Variants in CMIP observed in about 807,000 individuals in gnomAD.
CMIP encodes C-Maf-inducing protein.
CMIP carries 13 observed loss-of-function variants against 97.3 expected under a neutral mutation model. The ratio of observed to expected loss-of-function variants is 0.13; its 90% CI spans 0.09 to 0.21. CMIP has a LOEUF of 0.21. Ranked by LOEUF, CMIP falls within the 10% of genes least tolerant of loss-of-function variation. The pLI is 1.00. For missense variants in CMIP, 847 were observed against 1,024.9 expected, an observed-to-expected ratio of 0.83 and a Z score of 2.37; for synonymous variants, 538 against 436.3, an observed-to-expected ratio of 1.23 and a Z score of -2.91.
chr16:81,670,370 C>A, intron 8 of CMIP, 125 bp downstream of exon 8: 1 of 1,007,292 alleles, frequency 9.9e-7, no homozygotes, highest in Non-Finnish European at 1.5e-6. Flanking sequence ...GAGGAAGCCC[C>A]TAGCCTACTG....
chr16:81,484,193 C>T (rs2089277379), intron 1 of CMIP, among the ~76,000 whole-genome samples: 1 of 152,120 alleles, frequency 6.6e-6, no homozygotes, highest in Non-Finnish European at 1.5e-5. Flanking sequence ...TGGAAGTCGC[C>T]CTTCCCTGGC....
chr16:81,485,912 C>G (rs1452657788), intron 1 of CMIP, among the ~76,000 whole-genome samples: 1 of 152,228 alleles, frequency 6.6e-6, no homozygotes, highest in Non-Finnish European at 1.5e-5. Flanking sequence ...GTACCCAGCT[C>G]TCCCCTGGAT....
At chr16:81,501,569 G>A (rs1443534474) in intron 1 of CMIP, among the ~76,000 whole-genome samples, 2 of 151,902 alleles carry the variant, frequency 1.3e-5, no homozygotes, top group African/African-American at 4.8e-5. Flanking sequence ...CTCAGGATGG[G>A]TGTGGCATGG....
chr16:81,542,624 G>A (rs2090469086), intron 1 of CMIP, among the ~76,000 whole-genome samples: 1 of 152,182 alleles, frequency 6.6e-6, no homozygotes, highest in Non-Finnish European at 1.5e-5. Context: ...CAGAGTTCCA[G>A]GTCAAGGTGC....
chr16:81,674,175 G>A (rs1169922697), intron 9 of CMIP, among the ~76,000 whole-genome samples: 1 of 152,136 alleles, frequency 6.6e-6, no homozygotes, highest in East Asian at 1.9e-4. Flanking sequence ...GGAAGTGCAG[G>A]GACTCCAGGG....
intron 2 of CMIP, chr16:81,619,580 T>C (rs977630755): frequency 2.6e-5 from 4 of 152,170 alleles, no homozygotes; most frequent in African/African-American, 9.7e-5. Flanking sequence ...AGGGTCACTT[T>C]GGAGAGAGGG....
chr16:81,453,219 C>G lies in CMIP; in HGVS notation c.300+7678C>G, dbSNP rs1366159657. Among the ~76,000 whole-genome samples the G allele has an allele frequency of 6.6e-6, 1 of 152,226 alleles. No individual in the cohort carries two copies. The highest frequency in any genetic ancestry group is 1.9e-4 in the East Asian group (1 of 5,198). On this transcript the variant is annotated intron_variant, in intron 1 of 20. Coordinates refer to ENST00000537098, the MANE Select transcript of CMIP (RefSeq NM_198390.3). The surrounding 1 kb of genome is among the most constrained non-coding windows in gnomAD (Gnocchi z 4.0). ...TCGTGGCTCTACTGCTTTCAAGCTA[C>G]TGTCAGAAATGGTAGGGTGGACGGA...
chr16:81,684,909 C>T (rs1344566260), intron 10 of CMIP, among the ~76,000 whole-genome samples: 1 of 152,238 alleles, frequency 6.6e-6, no homozygotes, highest in Non-Finnish European at 1.5e-5. Context: ...AAATGGGAGA[C>T]TGCCCCAGTG....
intron 17 of CMIP, 119 bp downstream of exon 17, chr16:81,702,788 G>T: frequency 1.1e-6 from 1 of 869,956 alleles, no homozygotes; most frequent in Non-Finnish European, 1.9e-6. Flanking sequence ...GGGGCACAAG[G>T]ACCCCCTAGT....
intron 1 of CMIP, among the ~76,000 whole-genome samples, chr16:81,522,794 C>G (rs1353122503): frequency 6.6e-6 from 1 of 152,038 alleles, no homozygotes; most frequent in African/African-American, 2.4e-5. Context: ...AATTACTTGA[C>G]ATTCACCTCT....
chr16:81,681,513 A>T (rs1003239999), intron 10 of CMIP, among the ~76,000 whole-genome samples: 2 of 152,126 alleles, frequency 1.3e-5, no homozygotes, highest in Admixed American at 1.3e-4. Context: ...TGGCAAAGAG[A>T]TGGGAGGGGC....
Position 81,445,083 on chromosome 16 carries a change from C to T in CMIP, c.-159C>T, listed in dbSNP as rs1905742006. The stretch of plus-strand genomic sequence containing the variant: ...AGCCCGCCGCACGCGCCGCCCCCCG[C>T]GGGCAGCGCCCCCTCCCCTGCGGGC... On this transcript the variant is annotated 5_prime_UTR_variant, in exon 1 of 21. Coordinates refer to ENST00000537098, the MANE Select transcript of CMIP (RefSeq NM_198390.3). The T allele has an allele frequency of 1.5e-5, 4 of 273,712 alleles. No individual in the cohort carries two copies. The South Asian group carries it at 5.0e-4, about 34-fold the overall frequency. The allele number at this position is 273,712 out of a possible 1,614,324, so 17.0% of individuals were successfully genotyped here.
chr16:81,616,544 G>A lies in CMIP; in HGVS notation c.427-4332G>A, dbSNP rs372984616. Among the ~76,000 whole-genome samples the A allele has an allele frequency of 5.3e-5, 8 of 152,114 alleles. No homozygotes were observed. In the East Asian group the frequency reaches 5.8e-4, roughly 11 times the overall value. ...TGACATGCGTCATCGCACTTAGTTC[G>A]CCAGCCTGTGTCATACCTGTTTAGC... On this transcript the variant is annotated intron_variant, in intron 2 of 20. Transcript: ENST00000537098. The surrounding 1 kb of genome is among the most constrained non-coding windows in gnomAD (Gnocchi z 4.7).
intron 1 of CMIP, chr16:81,603,481 T>C (rs1479804373): frequency 4.4e-6 from 2 of 454,368 alleles, no homozygotes; most frequent in Non-Finnish European, 8.8e-6. Flanking sequence ...CGCAGTCTGC[T>C]TCCCCAGCTG....
At chr16:81,532,875 A>G (rs959892210) in intron 1 of CMIP, among the ~76,000 whole-genome samples, 1 of 152,166 alleles carries the variant, frequency 6.6e-6, no homozygotes, top group Non-Finnish European at 1.5e-5. Context: ...ATGGCAAGTG[A>G]AAGCCTCCCT....
chr16:81,495,439 G>C, intron 1 of CMIP: 1 of 1,609,866 alleles, frequency 6.2e-7, no homozygotes, highest in Non-Finnish European at 8.5e-7. Context: ...CCTGCGAGGA[G>C]GGAAGTTACA....
At chr16:81,595,505 C>T (rs923063297) in intron 1 of CMIP, among the ~76,000 whole-genome samples, 4 of 151,818 alleles carry the variant, frequency 2.6e-5, no homozygotes, top group Admixed American at 6.6e-5. Flanking sequence ...TCTCCCACCT[C>T]AGCCTCTTGA....
rs1230730903 is a variant in CMIP, at chr16:81,480,455, G to T, written c.300+34914G>T. On this transcript the variant is annotated intron_variant, in intron 1 of 20. Transcript: ENST00000537098. ...CTCAGGAGGCTGAGGCATGAGAATC[G>T]CTTGAACCCGAGAGGCAGAGGCTGC... 2.0e-5 allele frequency among the ~76,000 whole-genome samples: 3 copies of T among 152,174 alleles called. No homozygotes were observed. In the East Asian group the frequency reaches 5.8e-4, roughly 29 times the overall value.
chr16:81,451,058 G>A (rs1439633869), intron 1 of CMIP, among the ~76,000 whole-genome samples: 1 of 152,168 alleles, frequency 6.6e-6, no homozygotes, highest in African/African-American at 2.4e-5. Context: ...CAGTAATGTA[G>A]GTAGACCCTC....
Sources: gnomAD v4.1 joint callset for allele counts (sites outside exome capture counted in the v4.1 genomes callset) on GRCh38, gnomAD v4.1.1 for gene constraint, Gnocchi (gnomAD v3.1) non-coding constraint, MANE v1.5 for transcripts, NCBI Gene and HGNC (gene_info 2026-07-23, HGNC 2026-07-21) for gene names.